ADAMTS6: variants seen among roughly 807,000 people sequenced by gnomAD.
The protein encoded by ADAMTS6 is ADAM metallopeptidase with thrombospondin type 1 motif 6.
Under a neutral mutation model 144.3 loss-of-function variants are expected in ADAMTS6, and 23 were observed. That is an observed-to-expected ratio of 0.16 (90% CI 0.11 to 0.23). The LOEUF (loss-of-function observed/expected upper bound fraction) is 0.23. Among genes scored for constraint, ADAMTS6 ranks in the 10% least tolerant of loss-of-function variants. The probability of loss-of-function intolerance (pLI) is 1.00; values close to 1 mark genes in which losing one functional copy is unlikely to be tolerated. For missense variants in ADAMTS6, 999 were observed against 1,379.6 expected, an observed-to-expected ratio of 0.72 and a Z score of 4.37; for synonymous variants, 444 against 457.5, an observed-to-expected ratio of 0.97 and a Z score of 0.38.
At chr5:65,171,648 T>A (rs1753637926) in intron 23 of ADAMTS6, among the ~76,000 whole-genome samples, 1 of 152,130 alleles carries the variant, frequency 6.6e-6, no homozygotes, top group African/African-American at 2.4e-5. Flanking sequence ...TGTATGTGAT[T>A]AAACTATTAG....
chr5:65,474,450 A>G (rs1167748667), intron 1 of ADAMTS6, among the ~76,000 whole-genome samples: 1 of 152,106 alleles, frequency 6.6e-6, no homozygotes, highest in Admixed American at 6.5e-5. Flanking sequence ...ATCTGTGAAT[A>G]CTAAGACAGT....
intron 7 of ADAMTS6, among the ~76,000 whole-genome samples, chr5:65,386,376 T>C (rs577587089): frequency 1.3e-5 from 2 of 152,364 alleles, no homozygotes; most frequent in East Asian, 1.9e-4. Flanking sequence ...GGCAATATCC[T>C]TGTACACAAA....
chr5:65,262,286 C>T (rs922564714), intron 13 of ADAMTS6, among the ~76,000 whole-genome samples: 3 of 152,222 alleles, frequency 2.0e-5, no homozygotes, highest in East Asian at 1.9e-4. Context: ...GTGGCAGCTC[C>T]GGAAGATGAT....
At chr5:65,477,111 G>A (rs548085185) in intron 1 of ADAMTS6, among the ~76,000 whole-genome samples, 77 of 152,154 alleles carry the variant, frequency 5.1e-4, no homozygotes, top group Non-Finnish European at 8.4e-4. Flanking sequence ...CATTATCTTG[G>A]TTTCCAACCT....
chr5:65,171,474 CT>C (rs1753626258), intron 23 of ADAMTS6, among the ~76,000 whole-genome samples: 1 of 152,192 alleles, frequency 6.6e-6, no homozygotes, highest in African/African-American at 2.4e-5. Context: ...CTTGCTATCA[CT>C]CCAACAATTC....
intron 13 of ADAMTS6, 87 bp downstream of exon 13, chr5:65,262,730 G>A (rs1243700237): frequency 5.7e-6 from 8 of 1,396,624 alleles, no homozygotes; most frequent in South Asian, 3.4e-5. Context: ...CTAGCGAAAC[G>A]TTTTTACAGA....
intron 20 of ADAMTS6, among the ~76,000 whole-genome samples, chr5:65,199,862 G>T (rs17812990): frequency 0.04 from 6,152 of 152,124 alleles, 192 homozygotes; most frequent in Middle Eastern, 0.078. Flanking sequence ...TTTTGATCAT[G>T]CCTTCCTTCC....
At chr5:65,376,776 A>G (rs1423632960) in intron 7 of ADAMTS6, among the ~76,000 whole-genome samples, 1 of 152,088 alleles carries the variant, frequency 6.6e-6, no homozygotes, top group Non-Finnish European at 1.5e-5. Context: ...GGCTGCAGTG[A>G]GCCATAACCA....
intron 1 of ADAMTS6, among the ~76,000 whole-genome samples, chr5:65,476,049 A>G (rs536354422): frequency 0.08 from 14 of 174 alleles, 1 homozygote; most frequent in South Asian, 0.47. Context: ...AAAGATTCTG[A>G]CTTCCATCTG....
At chr5:65,261,366 C>A (rs1292831973) in intron 13 of ADAMTS6, among the ~76,000 whole-genome samples, 1 of 152,120 alleles carries the variant, frequency 6.6e-6, no homozygotes. Flanking sequence ...ATTATTTGGG[C>A]ATACTACCAT....
intron 18 of ADAMTS6, among the ~76,000 whole-genome samples, chr5:65,218,631 C>T (rs1329676294): frequency 6.6e-6 from 1 of 151,980 alleles, no homozygotes; most frequent in African/African-American, 2.4e-5. Context: ...TATATACACA[C>T]ATATTTATAA....
intron 6 of ADAMTS6, among the ~76,000 whole-genome samples, chr5:65,451,873 CATT>C (rs1397411049): frequency 6.6e-6 from 1 of 152,014 alleles, no homozygotes; most frequent in Non-Finnish European, 1.5e-5. Context: ...TAATGAAAAT[CATT>C]ATTATAAGAT....
At chr5:65,420,114 G>A (rs144122986) in intron 7 of ADAMTS6, among the ~76,000 whole-genome samples, 2 of 152,284 alleles carry the variant, frequency 1.3e-5, no homozygotes, top group Non-Finnish European at 2.9e-5. Context: ...GCAGCAGGAA[G>A]AAGTGCCAAG....
intron 11 of ADAMTS6, among the ~76,000 whole-genome samples, chr5:65,283,840 G>A (rs754307482): frequency 1.3e-5 from 2 of 151,974 alleles, no homozygotes; most frequent in Non-Finnish European, 2.9e-5. Context: ...ACAACTGTGG[G>A]ATATTTTATG....
At chr5:65,430,315 C>T (rs1271620355) in intron 7 of ADAMTS6, among the ~76,000 whole-genome samples, 1 of 152,058 alleles carries the variant, frequency 6.6e-6, no homozygotes, top group Non-Finnish European at 1.5e-5. Context: ...GCCCTGACCC[C>T]AGTTTTATTC....
At chr5:65,317,023 G>A (rs544676008) in intron 9 of ADAMTS6, among the ~76,000 whole-genome samples, 1 of 152,212 alleles carries the variant, frequency 6.6e-6, no homozygotes, top group South Asian at 2.1e-4. Flanking sequence ...GGCTGGTCTC[G>A]AACTCCTGAC....
intron 24 of ADAMTS6, among the ~76,000 whole-genome samples, chr5:65,163,958 C>CG (rs1280286660): frequency 2.6e-5 from 4 of 151,718 alleles, no homozygotes. Context: ...CGATTGTGGC[C>CG]GGGGGGTGGG....
intron 7 of ADAMTS6, among the ~76,000 whole-genome samples, chr5:65,397,436 T>C (rs571759051): frequency 2.0e-5 from 3 of 152,296 alleles, no homozygotes; most frequent in South Asian, 4.1e-4. Context: ...CTTTCTAATA[T>C]ATGCAACCAA....
At chr5:65,153,940 G>T (rs1752266913) in intron 24 of ADAMTS6, among the ~76,000 whole-genome samples, 1 of 152,182 alleles carries the variant, frequency 6.6e-6, no homozygotes, top group Non-Finnish European at 1.5e-5. Context: ...GGGCACAGTG[G>T]CTCACGTTTG....
Sources: allele counts gnomAD v4.1 joint callset (sites outside exome capture counted in the v4.1 genomes callset), GRCh38; gene constraint gnomAD v4.1.1; transcripts MANE v1.5; gene names NCBI Gene and HGNC (gene_info 2026-07-23, HGNC 2026-07-21).